Variants in ZNF407 observed in about 807,000 individuals in gnomAD.
The protein encoded by ZNF407 is zinc finger protein 407.
ZNF407 carries 17 observed loss-of-function variants against 131.2 expected under a neutral mutation model. That is an observed-to-expected ratio of 0.13 (90% CI 0.09 to 0.19). ZNF407 has a LOEUF of 0.19. Among genes scored for constraint, ZNF407 ranks in the 10% least tolerant of loss-of-function variants. The pLI is 1.00. For missense variants in ZNF407, 2,681 were observed against 2,830.6 expected, an observed-to-expected ratio of 0.95 and a Z score of 1.20; for synonymous variants, 1,156 against 1,062.0, an observed-to-expected ratio of 1.09 and a Z score of -1.72.
At chr18:74,841,049 C>T (rs1052670717) in intron 4 of ZNF407, among the ~76,000 whole-genome samples, 2 of 152,230 alleles carry the variant, frequency 1.3e-5, no homozygotes, top group African/African-American at 4.8e-5. Context: ...CACCTTTCAC[C>T]TGCTGTCTCT....
At chr18:75,001,237 AG>A (rs1337689301) in intron 8 of ZNF407, among the ~76,000 whole-genome samples, 1 of 152,206 alleles carries the variant, frequency 6.6e-6, no homozygotes, top group African/African-American at 2.4e-5. Context: ...AGTTCAACAC[AG>A]GGAGGGACAT....
At chr18:75,010,540 A>G (rs1030017472) in intron 8 of ZNF407, among the ~76,000 whole-genome samples, 3 of 152,166 alleles carry the variant, frequency 2.0e-5, no homozygotes, top group African/African-American at 7.2e-5. Context: ...TTTGTATCCC[A>G]GCTGCTTACA....
chr18:75,043,224 G>A (rs1218030475), intron 8 of ZNF407, among the ~76,000 whole-genome samples: 1 of 152,174 alleles, frequency 6.6e-6, no homozygotes, highest in Admixed American at 6.5e-5. Context: ...TGGGTGTGTT[G>A]TGTATCTCAT....
In ZNF407 at chr18:74,600,215, A is replaced by G. The variant is rs77391773; in HGVS notation, c.-54+2278A>G. 4.7e-3 allele frequency among the ~76,000 whole-genome samples: 722 copies of G among 152,330 alleles called. 10 individuals are homozygous for G. Among genetic ancestry groups the G allele is most frequent in the East Asian group, 0.045 (231 of 5,184 alleles). On this transcript the variant is annotated intron_variant, in intron 1 of 8. Coordinates refer to ENST00000299687, the MANE Select transcript of ZNF407 (RefSeq NM_017757.3). ...CAGAAAAGGAATTTATTGGAAGGCT[A>G]TAGATGGCTTTCAGAATTGATGGGA...
chr18:74,706,991 G>A (rs1458804531), intron 3 of ZNF407, among the ~76,000 whole-genome samples: 6 of 142,384 alleles, frequency 4.2e-5, no homozygotes, highest in Non-Finnish European at 9.0e-5. Context: ...ACGCATTGTC[G>A]CCCAGGCTGG....
chr18:75,015,613 A>T (rs1973034763), intron 8 of ZNF407, among the ~76,000 whole-genome samples: 1 of 150,010 alleles, frequency 6.7e-6, no homozygotes. Flanking sequence ...AGAACTTCAG[A>T]CTTCCTAGCT....
chr18:74,806,233 T>C (rs1970107496), intron 4 of ZNF407, among the ~76,000 whole-genome samples: 1 of 152,214 alleles, frequency 6.6e-6, no homozygotes, highest in Non-Finnish European at 1.5e-5. Context: ...TTACTTAGGA[T>C]TACTTAGGTT....
intron 4 of ZNF407, among the ~76,000 whole-genome samples, chr18:74,796,024 G>C (rs1024137730): frequency 2.0e-5 from 3 of 152,224 alleles, no homozygotes; most frequent in Non-Finnish European, 2.9e-5. Flanking sequence ...CATGAGCATT[G>C]AGAGCATGCA....
chr18:74,983,858 G>T (rs1972621844), intron 8 of ZNF407, among the ~76,000 whole-genome samples: 1 of 152,214 alleles, frequency 6.6e-6, no homozygotes, highest in Non-Finnish European at 1.5e-5. Flanking sequence ...TGGTGGCATT[G>T]CTGTTAGCCT....
At chr18:74,645,375 C>A (rs1003335779) in intron 3 of ZNF407, among the ~76,000 whole-genome samples, 2 of 151,774 alleles carry the variant, frequency 1.3e-5, no homozygotes, top group African/African-American at 2.4e-5. Flanking sequence ...AAGCGCAGAC[C>A]CTGGTGTGCA....
chr18:74,797,469 C>T (rs969862440), intron 4 of ZNF407, among the ~76,000 whole-genome samples: 8 of 152,120 alleles, frequency 5.3e-5, no homozygotes, highest in African/African-American at 1.9e-4. Context: ...GACAGGCTGT[C>T]GACAGAGAGA....
rs991287651 is a variant in ZNF407, at chr18:74,703,566, A to G, written c.4802+62444A>G. 2.0e-4 allele frequency among the ~76,000 whole-genome samples: 30 copies of G among 152,240 alleles called. No homozygotes were observed. Among genetic ancestry groups the G allele is most frequent in the South Asian group, 4.1e-4 (2 of 4,826 alleles). ...TTTTTAGTAGAGATGGGGTTTCTCC[A>G]GGTTTATCAGGCTGGTCTCGAACTC... On this transcript the variant is annotated intron_variant, in intron 3 of 8. Transcript: ENST00000299687. The surrounding 1 kb of genome is among the most constrained non-coding windows in gnomAD (Gnocchi z 4.1).
chr18:74,879,053 A>G (rs189862972), intron 5 of ZNF407, among the ~76,000 whole-genome samples: 1 of 152,322 alleles, frequency 6.6e-6, no homozygotes, highest in East Asian at 1.9e-4. Context: ...ACTCACATAG[A>G]AAATTAATAA....
chr18:74,681,896 A>G (rs1452460699), intron 3 of ZNF407, among the ~76,000 whole-genome samples: 3 of 152,176 alleles, frequency 2.0e-5, no homozygotes, highest in Admixed American at 6.5e-5. Context: ...AGCTAAAATC[A>G]CAAACATTCA....
intron 3 of ZNF407, among the ~76,000 whole-genome samples, chr18:74,767,534 C>T (rs1346799624): frequency 6.6e-6 from 1 of 151,776 alleles, no homozygotes. Flanking sequence ...TTTATCTTAA[C>T]TCTAATATAT....
At chr18:74,900,459 AT>A (rs1389432609) in intron 7 of ZNF407, among the ~76,000 whole-genome samples, 1 of 152,100 alleles carries the variant, frequency 6.6e-6, no homozygotes, top group Admixed American at 6.5e-5. Context: ...GTGGGGTTTT[AT>A]TTGCCACATG....
At chr18:74,777,550 G>T (rs914465131) in intron 3 of ZNF407, among the ~76,000 whole-genome samples, 2 of 152,040 alleles carry the variant, frequency 1.3e-5, no homozygotes, top group Admixed American at 1.3e-4. Context: ...TTTCTCTTAA[G>T]CCAAAAATGG....
chr18:74,610,900 G>T (rs938742360), intron 1 of ZNF407, among the ~76,000 whole-genome samples: 18 of 152,068 alleles, frequency 1.2e-4, no homozygotes, highest in African/African-American at 4.3e-4. Context: ...TAGTAAGTGG[G>T]GATCATAGTC....
chr18:74,846,196 C>G (rs1970700045), intron 4 of ZNF407, among the ~76,000 whole-genome samples: 1 of 152,046 alleles, frequency 6.6e-6, no homozygotes, highest in African/African-American at 2.4e-5. Flanking sequence ...AATATGGTCA[C>G]AGAATTAGAA....
Sources: allele counts gnomAD v4.1 joint callset (sites outside exome capture counted in the v4.1 genomes callset), GRCh38; gene constraint gnomAD v4.1.1; non-coding constraint Gnocchi (gnomAD v3.1); transcripts MANE v1.5; gene names NCBI Gene and HGNC (gene_info 2026-07-23, HGNC 2026-07-21).